Variants in ZNF385B observed in about 807,000 individuals in gnomAD.
ZNF385B encodes the protein zinc finger protein 385B, also known as zinc finger protein 533.
Under a neutral mutation model 39.2 loss-of-function variants are expected in ZNF385B, and 23 were observed. The ratio of observed to expected loss-of-function variants is 0.59; its 90% CI spans 0.42 to 0.83. The LOEUF (loss-of-function observed/expected upper bound fraction) is 0.83, where lower values mean the gene tolerates loss of function less well. Ranked by LOEUF, ZNF385B falls within the 40% of genes least tolerant of loss-of-function variation. The probability of loss-of-function intolerance (pLI) is 0.00; values close to 1 mark genes in which losing one functional copy is unlikely to be tolerated. For missense variants in ZNF385B, 552 were observed against 598.9 expected (o/e 0.92, Z 0.82); for synonymous variants, 205 against 222.6 (o/e 0.92, Z 0.70).
At chr2:179,827,626 G>C (rs1467628741) in intron 1 of ZNF385B, among the ~76,000 whole-genome samples, 1 of 152,002 alleles carries the variant, frequency 6.6e-6, no homozygotes, top group Non-Finnish European at 1.5e-5. Context: ...CTTACAACCA[G>C]AACTGCCCCG....
At position 179,679,634 on chromosome 2, in the gene ZNF385B, GTTGTTA is replaced by G. The variant is rs148702701; in HGVS notation, c.298+89863_298+89868del. Reference sequence around the variant, plus strand: ...TGTTGTTGTTGTTGTTGTTGTTGTTGTTGTTATTATAGCAAAGAAGAACAGCAGAAT... The same window carrying G: ...TGTTGTTGTTGTTGTTGTTGTTGTTGTTATAGCAAAGAAGAACAGCAGAAT... On this transcript the variant is annotated intron_variant, in intron 3 of 9. Transcript: ENST00000410066. Among the ~76,000 whole-genome samples the G allele has an allele frequency of 2.0e-4, 26 of 132,042 alleles. No homozygotes were observed. The East Asian group carries it at 2.3e-3, about 12-fold the overall frequency. The allele number at this position is 132,042 out of a possible 152,430, so 86.6% of individuals were successfully genotyped here.
chr2:179,752,201 T>C (rs1252908164), intron 3 of ZNF385B, among the ~76,000 whole-genome samples: 1 of 152,154 alleles, frequency 6.6e-6, no homozygotes, highest in Non-Finnish European at 1.5e-5. Flanking sequence ...TTTTTGTCCA[T>C]GTGATAGTTT....
At chr2:179,599,156 G>A (rs1248741270) in intron 3 of ZNF385B, among the ~76,000 whole-genome samples, 1 of 152,104 alleles carries the variant, frequency 6.6e-6, no homozygotes, top group Non-Finnish European at 1.5e-5. Flanking sequence ...CCTTTTCTAT[G>A]CTTAGATACA....
chr2:179,452,422 T>C (rs2050246069), intron 6 of ZNF385B, among the ~76,000 whole-genome samples: 1 of 152,064 alleles, frequency 6.6e-6, no homozygotes, highest in African/African-American at 2.4e-5. Flanking sequence ...ATAAAAAGAA[T>C]ATACCAGAAG....
In ZNF385B at chr2:179,444,861, G is replaced by T. The variant is rs761355854; in HGVS notation, c.1242+15C>A. 1 of 1,606,436 alleles carries T rather than the reference G, an allele frequency of 6.2e-7. No individual in the cohort carries two copies. The highest frequency in any genetic ancestry group is 2.2e-5 in the East Asian group (1 of 44,814). ...GCTGCCCCACAAAACAGGTGAGCAG[G>T]TGAGGTAAACTTACTGCTAGAATAC... On this transcript the variant is annotated intron_variant, in intron 9 of 9. Coordinates refer to ENST00000410066, the MANE Select transcript of ZNF385B (RefSeq NM_152520.6).
intron 5 of ZNF385B, among the ~76,000 whole-genome samples, chr2:179,507,614 T>C (rs375395857): frequency 6.6e-6 from 1 of 152,200 alleles, no homozygotes; most frequent in African/African-American, 2.4e-5. Context: ...TTTATAATTG[T>C]ATTAGTTTTG....
intron 6 of ZNF385B, among the ~76,000 whole-genome samples, chr2:179,465,664 T>G (rs1273078118): frequency 6.6e-6 from 1 of 152,184 alleles, no homozygotes. Context: ...GCATTTACTA[T>G]GTGCCACTAC....
chr2:179,653,404 A>G lies in ZNF385B; in HGVS notation c.299-108435T>C, dbSNP rs529930095. ...GAACAGCTCTTGTTGAGTAGTTTCTATACAGCCTCCAGTTTCAGCTCTTAA... is the reference window on the plus strand; with the variant it reads ...GAACAGCTCTTGTTGAGTAGTTTCTGTACAGCCTCCAGTTTCAGCTCTTAA... On this transcript the variant is annotated intron_variant, in intron 3 of 9. Coordinates refer to ENST00000410066, the MANE Select transcript of ZNF385B (RefSeq NM_152520.6). Among the ~76,000 whole-genome samples, 5 of 152,298 alleles carry G rather than the reference A, an allele frequency of 3.3e-5. No individual in the cohort carries two copies. The South Asian group carries it at 1.0e-3, about 32-fold the overall frequency.
At chr2:179,771,828 A>G (rs191998979) in intron 1 of ZNF385B, among the ~76,000 whole-genome samples, 1 of 152,340 alleles carries the variant, frequency 6.6e-6, no homozygotes, top group Admixed American at 6.5e-5. Context: ...AACATTTTGC[A>G]CTATCTAGAA....
chr2:179,826,762 T>C (rs1406911140), intron 1 of ZNF385B, among the ~76,000 whole-genome samples: 1 of 152,120 alleles, frequency 6.6e-6, no homozygotes, highest in Non-Finnish European at 1.5e-5. Flanking sequence ...CCACAAAACA[T>C]ATACTAAAAA....
intron 3 of ZNF385B, among the ~76,000 whole-genome samples, chr2:179,703,752 A>G (rs1699385307): frequency 6.6e-6 from 1 of 152,220 alleles, no homozygotes; most frequent in Admixed American, 6.5e-5. Flanking sequence ...CCAAACAAAT[A>G]TTGAGTGCCC....
At chr2:179,612,164 A>C (rs889200258) in intron 3 of ZNF385B, among the ~76,000 whole-genome samples, 2 of 152,096 alleles carry the variant, frequency 1.3e-5, no homozygotes, top group East Asian at 1.9e-4. Flanking sequence ...CAAAACTGCT[A>C]TTTTTAGTTC....
At chr2:179,531,126 G>A (rs757980272) in intron 4 of ZNF385B, among the ~76,000 whole-genome samples, 1 of 152,020 alleles carries the variant, frequency 6.6e-6, no homozygotes, top group Non-Finnish European at 1.5e-5. Flanking sequence ...AATGAAGAAA[G>A]ATTTGGAGAA....
At chr2:179,694,571 A>C (rs1026503986) in intron 3 of ZNF385B, among the ~76,000 whole-genome samples, 1 of 152,224 alleles carries the variant, frequency 6.6e-6, no homozygotes, top group Non-Finnish European at 1.5e-5. Context: ...AATTGAATAC[A>C]ATATTCTAGG....
At chr2:179,481,021 G>T (rs2053932539) in intron 6 of ZNF385B, 1 of 152,224 alleles carries the variant, frequency 6.6e-6, no homozygotes, top group South Asian at 2.1e-4. Flanking sequence ...AATGCAGGAA[G>T]AAAGACCACC....
chr2:179,655,138 T>A (rs765899865), intron 3 of ZNF385B, among the ~76,000 whole-genome samples: 2 of 152,180 alleles, frequency 1.3e-5, no homozygotes, highest in Non-Finnish European at 2.9e-5. Flanking sequence ...GGGCTACTTC[T>A]GCTGGATAAA....
chr2:179,634,691 T>C (rs1055690660), intron 3 of ZNF385B, among the ~76,000 whole-genome samples: 2 of 152,102 alleles, frequency 1.3e-5, no homozygotes, highest in Admixed American at 6.6e-5. Flanking sequence ...GACCCAGCAA[T>C]CCCATTACTG....
chr2:179,725,706 A>G (rs1043156649), intron 3 of ZNF385B, among the ~76,000 whole-genome samples: 6 of 151,420 alleles, frequency 4.0e-5, no homozygotes, highest in Non-Finnish European at 7.4e-5. Context: ...AAAAATTACT[A>G]TGCAAATTGT....
intron 1 of ZNF385B, among the ~76,000 whole-genome samples, chr2:179,810,478 C>CA (rs1237890962): frequency 7.3e-5 from 11 of 151,656 alleles, no homozygotes; most frequent in Non-Finnish European, 1.2e-4. Flanking sequence ...AATATATATA[C>CA]AAAAAATCAC....
Sources: gnomAD v4.1 joint callset for allele counts (sites outside exome capture counted in the v4.1 genomes callset) on GRCh38, gnomAD v4.1.1 for gene constraint, MANE v1.5 for transcripts, NCBI Gene and HGNC (gene_info 2026-07-23, HGNC 2026-07-21) for gene names.